The following E2F1 variants were observed in gnomAD, a reference collection of about 807,000 sequenced individuals.
E2F1 encodes transcription factor E2F1.
In E2F1, 7 loss-of-function variants were observed where a neutral mutation model predicts 36.9. The observed-to-expected ratio is 0.19, with a 90% CI of 0.11 to 0.36. The LOEUF is 0.36. Ranked by LOEUF, E2F1 falls within the 10% of genes least tolerant of loss-of-function variation. E2F1 has a pLI of 1.00. For missense variants in E2F1, 406 were observed against 573.6 expected, an observed-to-expected ratio of 0.71 and a Z score of 2.99; for synonymous variants, 261 against 263.1, an observed-to-expected ratio of 0.99 and a Z score of 0.08.
chr20:33,678,691 T>C (rs1396954125), intron 3 of E2F1, among the ~76,000 whole-genome samples: 1 of 151,072 alleles, frequency 6.6e-6, no homozygotes, highest in Non-Finnish European at 1.5e-5. Context: ...TGGTGGCTTA[T>C]ACCTATAATC....
chr20:33,686,356 G>C lies in E2F1; in HGVS notation c.-92C>G. On this transcript the variant is annotated 5_prime_UTR_variant, in exon 1 of 7. Transcript: ENST00000343380. ...CTCGGCGAGGGCTCGATCCCGCTCC[G>C]CCCCCGGCCGCCGCTGCCTGCAAAG... 1 of 956,706 alleles carries C rather than the reference G, an allele frequency of 1.0e-6. No individual in the cohort carries two copies. Among genetic ancestry groups the C allele is most frequent in the Non-Finnish European group, 1.2e-6 (1 of 802,924 alleles). 59.3% of individuals were successfully genotyped at this position (956,706 alleles called of 1,614,324 possible).
At chr20:33,677,833 C>T (rs557072621) in intron 4 of E2F1, among the ~76,000 whole-genome samples, 77 of 152,252 alleles carry the variant, frequency 5.1e-4, no homozygotes, top group African/African-American at 1.3e-3. Flanking sequence ...CTCGCTATGT[C>T]ACCCAGGCTG....
chr20:33,685,831 G>A (rs1365293340), intron 1 of E2F1, among the ~76,000 whole-genome samples, 173 bp downstream of exon 1: 1 of 152,120 alleles, frequency 6.6e-6, no homozygotes, highest in African/African-American at 2.4e-5. Context: ...AGGTCACCCC[G>A]CACCCCAGGG....
intron 1 of E2F1, among the ~76,000 whole-genome samples, chr20:33,682,161 G>A (rs1185156153): frequency 6.6e-6 from 1 of 152,154 alleles, no homozygotes; most frequent in Non-Finnish European, 1.5e-5. Context: ...AGAGGTGTCT[G>A]AATCACTTGA....
At position 33,686,334 on chromosome 20, in the gene E2F1, G is replaced by A; in HGVS notation, c.-70C>T. On this transcript the variant is annotated 5_prime_UTR_variant, in exon 1 of 7. Transcript: ENST00000343380. ...GCGCGGGCCCATGGCGGCAGGCCTC[G>A]GCGAGGGCTCGATCCCGCTCCGCCC... The A allele has an allele frequency of 3.0e-6, 3 of 990,392 alleles. No individual in the cohort carries two copies. The highest frequency in any genetic ancestry group is 3.6e-6 in the Non-Finnish European group (3 of 833,000). The allele number at this position is 990,392 out of a possible 1,614,324, so 61.4% of individuals were successfully genotyped here.
rs190129030 is a variant in E2F1, at chr20:33,677,829, A to T, written c.726-289T>A. Reference sequence around the variant, plus strand: ...TATTTTTTAGAGGCAGGGTCTCGCTATGTCACCCAGGCTGGAGTGATGTGG... The same window carrying T: ...TATTTTTTAGAGGCAGGGTCTCGCTTTGTCACCCAGGCTGGAGTGATGTGG... On this transcript the variant is annotated intron_variant, in intron 4 of 6. Coordinates refer to ENST00000343380, the MANE Select transcript of E2F1 (RefSeq NM_005225.3). Among the ~76,000 whole-genome samples, 6 of 152,172 alleles carry T rather than the reference A, an allele frequency of 3.9e-5. No homozygotes were observed. In the East Asian group the frequency reaches 1.2e-3, roughly 29 times the overall value.
At chr20:33,682,814 G>A (rs1418049579) in intron 1 of E2F1, among the ~76,000 whole-genome samples, 2 of 152,196 alleles carry the variant, frequency 1.3e-5, no homozygotes, top group East Asian at 1.9e-4. Context: ...AGCTGTCAAG[G>A]ACCGAGGCAG....
rs917483838 is a variant in E2F1 at position 33,678,320 on chromosome 20, C to T, written c.606G>A (p.Arg202=). The part of the protein sequence containing the change: ...GSHTTVGVGG[R]LEGLTQDLRQ... ...GGAGGTCCTGGGTCAACCCCTCAAG[C>T]CGTCCGCCGACGCCCACTGTGGTGT... The change falls in exon 4 of 7, where the codon CGG becomes CGA. Residue 202 remains arginine (R), a synonymous_variant. Transcript: ENST00000343380. 1.2e-6 allele frequency: 2 copies of T among 1,612,600 alleles called. No homozygotes were observed. The highest frequency in any genetic ancestry group is 1.7e-6 in the Non-Finnish European group (2 of 1,180,014).
In E2F1 at chr20:33,679,182, A is replaced by T. The variant is rs546899198; in HGVS notation, c.572+573T>A. Among the ~76,000 whole-genome samples, 1 of 152,274 alleles carries T rather than the reference A, an allele frequency of 6.6e-6. No homozygotes were observed. The highest frequency in any genetic ancestry group is 1.5e-5 in the Non-Finnish European group (1 of 68,044). ...TTGGCAATGACTGGAAAGGGGCACA[A>T]GAGAACCTTCTAGGGTGTTGAAAAT... On this transcript the variant is annotated intron_variant, in intron 3 of 6. Coordinates refer to ENST00000343380, the MANE Select transcript of E2F1 (RefSeq NM_005225.3). The surrounding 1 kb of genome is among the most constrained non-coding windows in gnomAD (Gnocchi z 4.6).
intron 4 of E2F1, among the ~76,000 whole-genome samples, chr20:33,677,992 T>A (rs2017980944): frequency 6.6e-6 from 1 of 152,212 alleles, no homozygotes; most frequent in Non-Finnish European, 1.5e-5. Context: ...AATTTCAGAA[T>A]TGGATATTAT....
chr20:33,683,840 T>C (rs969797895), intron 1 of E2F1, among the ~76,000 whole-genome samples: 1 of 152,236 alleles, frequency 6.6e-6, no homozygotes, highest in African/African-American at 2.4e-5. Context: ...ATAGTTATAA[T>C]ACTTGAGTTT....
chr20:33,683,189 G>A (rs1172889531), intron 1 of E2F1, among the ~76,000 whole-genome samples: 1 of 152,134 alleles, frequency 6.6e-6, no homozygotes, highest in African/African-American at 2.4e-5. Context: ...AGTGGCTCAC[G>A]CCTGTAATCC....
Position 33,686,200 on chromosome 20 carries a change from G to C in E2F1, c.65C>G (p.Ala22Gly). Residue 22 changes from alanine (A) to glycine (G), a missense_variant, in exon 1 of 7, where the codon GCC (alanine) becomes GGC (glycine). Coordinates refer to ENST00000343380, the MANE Select transcript of E2F1 (RefSeq NM_005225.3). ...GGAGTCGAGCAGCCGCAGCGCGCCG[G>C]CCCCGAGCAGGGCCTCCAGCGCCGG... ...CAPALEALLGAGALRLLDSSQ... is the reference protein window; with the variant it reads ...CAPALEALLGGGALRLLDSSQ... 9.6e-7 allele frequency: 1 copy of C among 1,038,384 alleles called. No homozygotes were observed. The highest frequency in any genetic ancestry group is 1.7e-5 in the African/African-American group (1 of 57,758). The allele number at this position is 1,038,384 out of a possible 1,614,324, so 64.3% of individuals were successfully genotyped here.
intron 1 of E2F1, among the ~76,000 whole-genome samples, chr20:33,680,662 C>T (rs1041844062): frequency 1.3e-5 from 2 of 152,208 alleles, no homozygotes; most frequent in African/African-American, 4.8e-5. Context: ...CTTTCTGATC[C>T]TTCTCCTTCA....
At position 33,676,689 on chromosome 20, in the gene E2F1, A is replaced by C; in HGVS notation, c.*43T>G. Reference sequence around the variant, plus strand: ...GACAGGGGGCTCCAGGGCTGCAGAGACAAGGTGAGCATCTCTGGAAACCCT... The same window carrying C: ...GACAGGGGGCTCCAGGGCTGCAGAGCCAAGGTGAGCATCTCTGGAAACCCT... On this transcript the variant is annotated 3_prime_UTR_variant, in exon 7 of 7. Transcript: ENST00000343380. The C allele has an allele frequency of 6.4e-7, 1 of 1,555,540 alleles. No individual in the cohort carries two copies. The highest frequency in any genetic ancestry group is 8.7e-7 in the Non-Finnish European group (1 of 1,149,686).
chr20:33,683,105 GA>G (rs1038018393), intron 1 of E2F1, among the ~76,000 whole-genome samples: 3 of 152,072 alleles, frequency 2.0e-5, no homozygotes, highest in African/African-American at 7.2e-5. Flanking sequence ...GGAAAAAAAG[GA>G]AAAAAATGAA....
intron 1 of E2F1, among the ~76,000 whole-genome samples, chr20:33,680,748 T>C (rs970984370): frequency 2.6e-4 from 40 of 152,336 alleles, no homozygotes; most frequent in Admixed American, 2.4e-3. Context: ...TGGAATGTGG[T>C]GGAAGGGATG....
rs200021458 is a variant in E2F1, at chr20:33,679,889, C to T, written c.438G>A (p.Ser146=). The change falls in exon 3 of 7, where the codon TCG becomes TCA. Residue 146 remains serine, a synonymous_variant. Coordinates refer to ENST00000343380, the MANE Select transcript of E2F1 (RefSeq NM_005225.3). The surrounding 1 kb of genome is among the most constrained non-coding windows in gnomAD (Gnocchi z 4.6). ...AGTTCAGGTCGACGACACCGTCAGC[C>T]GAGTGGCTCAGCAGCTCCAGGAAGC... is the stretch of plus-strand genomic sequence containing the variant. ...TKRFLELLSH[S]ADGVVDLNWA... is the part of the protein sequence containing the mutation. 2.0e-4 allele frequency: 315 copies of T among 1,614,254 alleles called. 2 individuals carry two copies. The highest frequency in any genetic ancestry group is 1.7e-3 in the South Asian group (154 of 91,086).
In E2F1 at chr20:33,678,323, T is replaced by A. The variant is rs1177709284; in HGVS notation, c.603A>T (p.Gly201=). The change falls in exon 4 of 7, where the codon GGA becomes GGT. Residue 201 remains glycine, a synonymous_variant. Transcript: ENST00000343380. ...LGSHTTVGVG[G]RLEGLTQDLR... ...GGTCCTGGGTCAACCCCTCAAGCCG[T>A]CCGCCGACGCCCACTGTGGTGTGGC... The A allele has an allele frequency of 1.9e-6, 3 of 1,612,326 alleles. No individual in the cohort carries two copies. Among genetic ancestry groups the A allele is most frequent in the Non-Finnish European group, 2.5e-6 (3 of 1,179,998 alleles).
Sources: gnomAD v4.1 joint callset for allele counts (sites outside exome capture counted in the v4.1 genomes callset) on GRCh38, gnomAD v4.1.1 for gene constraint, Gnocchi (gnomAD v3.1) non-coding constraint, MANE v1.5 for transcripts, NCBI Gene and HGNC (gene_info 2026-07-23, HGNC 2026-07-21) for gene names.